The following ARMC9 variants were observed in gnomAD, a reference collection of about 807,000 sequenced individuals.
ARMC9 encodes the protein lisH domain-containing protein ARMC9.
In ARMC9, 94 loss-of-function variants were observed where a neutral mutation model predicts 107.0. The ratio of observed to expected loss-of-function variants is 0.88; its 90% CI spans 0.74 to 1.04. The LOEUF is 1.04. Ranked by LOEUF, ARMC9 falls within the 50% of genes least tolerant of loss-of-function variation. ARMC9 has a pLI of 0.00. For missense variants in ARMC9, 942 were observed against 1,030.1 expected (o/e 0.91, Z 1.17); for synonymous variants, 380 against 396.9 (o/e 0.96, Z 0.51).
At chr2:231,220,876 T>C (rs1411066829) in intron 5 of ARMC9, among the ~76,000 whole-genome samples, 3 of 152,226 alleles carry the variant, frequency 2.0e-5, no homozygotes, top group Non-Finnish European at 4.4e-5. Context: ...TACAAAATAG[T>C]AATCAACAAC....
chr2:231,242,014 T>C (rs1258133129), intron 9 of ARMC9, among the ~76,000 whole-genome samples: 1 of 152,130 alleles, frequency 6.6e-6, no homozygotes, highest in Non-Finnish European at 1.5e-5. Flanking sequence ...CTAGGAACCA[T>C]GACAATAAAA....
chr2:231,228,022 A>G (rs957810322), intron 7 of ARMC9, among the ~76,000 whole-genome samples: 4 of 152,120 alleles, frequency 2.6e-5, no homozygotes, highest in African/African-American at 7.2e-5. Flanking sequence ...CCCTACCCCC[A>G]GTACAGTATG....
chr2:231,222,553 T>C (rs549455103), intron 5 of ARMC9, among the ~76,000 whole-genome samples, 175 bp from the exon 6 acceptor site: 1 of 152,360 alleles, frequency 6.6e-6, no homozygotes, highest in African/African-American at 2.4e-5. Context: ...TTGAATCTTC[T>C]GTAAATGAGT....
At chr2:231,303,563 T>A (rs2041882605) in intron 19 of ARMC9, among the ~76,000 whole-genome samples, 1 of 152,270 alleles carries the variant, frequency 6.6e-6, no homozygotes, top group South Asian at 2.1e-4. Context: ...TGGGTTTTGT[T>A]AAATGCTTTT....
At chr2:231,256,355 A>T (rs2037809253) in intron 9 of ARMC9, 1 of 1,447,862 alleles carries the variant, frequency 6.9e-7, no homozygotes, top group South Asian at 1.2e-5. Flanking sequence ...CACTTGGCCG[A>T]TGGGAATGGT....
intron 19 of ARMC9, among the ~76,000 whole-genome samples, chr2:231,311,607 T>C (rs941243468): frequency 6.6e-6 from 1 of 151,862 alleles, no homozygotes; most frequent in African/African-American, 2.4e-5. Flanking sequence ...CCGTCTCTAC[T>C]AAAAGTACAA....
intron 22 of ARMC9, among the ~76,000 whole-genome samples, chr2:231,357,131 T>C (rs1405750912): frequency 6.6e-6 from 1 of 152,210 alleles, no homozygotes; most frequent in Non-Finnish European, 1.5e-5. Flanking sequence ...TTGATGTTAT[T>C]GTTGTTTTCA....
At chr2:231,241,350 G>A (rs2036285237) in intron 9 of ARMC9, among the ~76,000 whole-genome samples, 1 of 152,132 alleles carries the variant, frequency 6.6e-6, no homozygotes, top group South Asian at 2.1e-4. Context: ...AAGGCCCATG[G>A]TTTTGAGGCA....
At chr2:231,257,182 ATATGG>A (rs1294520318) in intron 10 of ARMC9, among the ~76,000 whole-genome samples, 6 of 152,350 alleles carry the variant, frequency 3.9e-5, no homozygotes, top group African/African-American at 1.4e-4. Context: ...TGAATTGTTC[ATATGG>A]TATTGTATAG....
Position 231,347,323 on chromosome 2 carries a change from T to C in ARMC9, c.1994+2233T>C, listed in dbSNP as rs535476711. On this transcript the variant is annotated intron_variant, in intron 21 of 24. Transcript: ENST00000611582. ...AAACATTTTTATCACTTCTCTGCCA[T>C]ATGGTGTTCTCATTGCTGGGGTTGC... Among the ~76,000 whole-genome samples the C allele has an allele frequency of 9.2e-5, 14 of 152,296 alleles. No homozygotes were observed. In the South Asian group the frequency reaches 2.3e-3, roughly 25 times the overall value.
chr2:231,277,624 ATCTTGGC>A (rs1659757877), intron 15 of ARMC9, among the ~76,000 whole-genome samples: 1 of 148,448 alleles, frequency 6.7e-6, no homozygotes, highest in Non-Finnish European at 1.5e-5. Flanking sequence ...CAGTGGCATG[ATCTTGGC>A]TCAGTGGTGC....
In ARMC9 at chr2:231,276,664, G is replaced by T. The variant is rs774933135; in HGVS notation, c.1363G>T (p.Asp455Tyr). Residue 455 changes from aspartate (D) to tyrosine (Y), a missense_variant, in exon 15 of 25, where the codon GAC becomes TAC. By Grantham distance (160) the Asp-to-Tyr change is radical. Coordinates refer to ENST00000611582, the MANE Select transcript of ARMC9 (RefSeq NM_001352754.2). ...RRPLQTAMIQ[D>Y]GLIFWLVDVL... ...CCCGCTGCAGACAGCGATGATTCAA[G>T]ACGGCCTCATCTTCTGGCTGGTTGA... 5 of 1,614,198 alleles carry T rather than the reference G, an allele frequency of 3.1e-6. No individual in the cohort carries two copies. The highest frequency in any genetic ancestry group is 4.2e-6 in the Non-Finnish European group (5 of 1,180,044).
intron 21 of ARMC9, among the ~76,000 whole-genome samples, chr2:231,345,697 T>G (rs1312220022): frequency 6.6e-6 from 1 of 152,170 alleles, no homozygotes. Context: ...ACTTCTGTGG[T>G]CTGGGTGGCC....
intron 19 of ARMC9, among the ~76,000 whole-genome samples, chr2:231,304,224 CAAT>C (rs945263911): frequency 1.3e-5 from 2 of 152,048 alleles, no homozygotes; most frequent in African/African-American, 4.8e-5. Context: ...GACTGCATCT[CAAT>C]AATAATAATA....
intron 19 of ARMC9, among the ~76,000 whole-genome samples, chr2:231,314,130 A>T (rs145675987): frequency 0.028 from 4,052 of 143,620 alleles, 86 homozygotes; most frequent in Non-Finnish European, 0.045. Context: ...ACCAGGCTGG[A>T]GTGTGATGGC....
At chr2:231,258,866 C>T (rs2038080917) in intron 10 of ARMC9, 125 bp from the exon 11 acceptor site, 5 of 824,500 alleles carry the variant, frequency 6.1e-6, no homozygotes, top group Admixed American at 5.0e-5. Flanking sequence ...AAGTGGAAGC[C>T]GGGAGGTCAT....
intron 17 of ARMC9, among the ~76,000 whole-genome samples, chr2:231,284,965 C>T (rs936006256): frequency 9.9e-5 from 15 of 152,100 alleles, no homozygotes; most frequent in South Asian, 4.1e-4. Context: ...TGTTGGAAGC[C>T]GATGTGGGCA....
intron 19 of ARMC9, among the ~76,000 whole-genome samples, chr2:231,311,887 C>G (rs1157835688): frequency 1.3e-5 from 2 of 151,962 alleles, no homozygotes; most frequent in African/African-American, 4.8e-5. Context: ...CCAATCCCAG[C>G]CTGGAGAATT....
intron 21 of ARMC9, among the ~76,000 whole-genome samples, chr2:231,352,493 A>T (rs142320820): frequency 0.021 from 3,172 of 150,972 alleles, 123 homozygotes; most frequent in African/African-American, 0.072. Flanking sequence ...TTTTTTATTT[A>T]TTTATTTTTT....
Sources: gnomAD v4.1 joint callset for allele counts (sites outside exome capture counted in the v4.1 genomes callset) on GRCh38, gnomAD v4.1.1 for gene constraint, MANE v1.5 for transcripts, NCBI Gene and HGNC (gene_info 2026-07-23, HGNC 2026-07-21) for gene names.